PRKG1: variants seen among roughly 807,000 people sequenced by gnomAD.
PRKG1 encodes cGMP-dependent protein kinase 1.
PRKG1 carries 35 observed loss-of-function variants against 88.1 expected under a neutral mutation model. The ratio of observed to expected loss-of-function variants is 0.40; its 90% CI spans 0.30 to 0.53. The LOEUF (loss-of-function observed/expected upper bound fraction) is 0.53. Among genes scored for constraint, PRKG1 ranks in the 20% least tolerant of loss-of-function variants. The pLI, the probability that PRKG1 is intolerant of heterozygous loss-of-function variation, is 0.59. For missense variants in PRKG1, 540 were observed against 839.8 expected (o/e 0.64, Z 4.41); for synonymous variants, 303 against 292.5 (o/e 1.04, Z -0.37).
chr10:52,075,797 C>A (rs902951368), intron 7 of PRKG1, among the ~76,000 whole-genome samples: 2 of 152,100 alleles, frequency 1.3e-5, no homozygotes, highest in African/African-American at 4.8e-5. Flanking sequence ...CTCTCATAGC[C>A]GTTCCTCAGT....
intron 1 of PRKG1, among the ~76,000 whole-genome samples, chr10:51,092,885 G>C (rs865961249): frequency 6.6e-6 from 1 of 152,104 alleles, no homozygotes; most frequent in African/African-American, 2.4e-5. Flanking sequence ...CAATGTTTGT[G>C]GATGGGAACC....
chr10:51,451,644 C>T (rs1839441497), intron 2 of PRKG1, among the ~76,000 whole-genome samples: 1 of 151,962 alleles, frequency 6.6e-6, no homozygotes, highest in Admixed American at 6.6e-5. Flanking sequence ...TTATTCTTTT[C>T]TCTTTGCAGT....
At chr10:51,705,699 TAGGCAG>T (rs1841588489) in intron 3 of PRKG1, among the ~76,000 whole-genome samples, 1 of 152,212 alleles carries the variant, frequency 6.6e-6, no homozygotes, top group Non-Finnish European at 1.5e-5. Context: ...CTTTTGAAGA[TAGGCAG>T]TCATAGTTCC....
At chr10:51,995,960 C>T (rs1273193820) in intron 5 of PRKG1, among the ~76,000 whole-genome samples, 4 of 152,002 alleles carry the variant, frequency 2.6e-5, no homozygotes, top group Non-Finnish European at 4.4e-5. Flanking sequence ...AAAAATATAT[C>T]AGTGGGATTA....
chr10:52,166,682 AC>A (rs1477805061), intron 9 of PRKG1, among the ~76,000 whole-genome samples: 1 of 135,576 alleles, frequency 7.4e-6, no homozygotes, highest in Admixed American at 7.0e-5. Context: ...AAAATTAAAT[AC>A]TTTGTTAAAT....
chr10:51,020,656 C>G (rs1843123625), intron 1 of PRKG1, among the ~76,000 whole-genome samples: 1 of 152,150 alleles, frequency 6.6e-6, no homozygotes, highest in South Asian at 2.1e-4. Flanking sequence ...GCAATATGAA[C>G]AGTTTTCTCA....
At chr10:51,941,722 C>G (rs890933440) in intron 5 of PRKG1, among the ~76,000 whole-genome samples, 1 of 150,640 alleles carries the variant, frequency 6.6e-6, no homozygotes, top group African/African-American at 2.4e-5. Context: ...TTTGTCCTTG[C>G]GATAGTTCAC....
At chr10:51,588,183 A>G (rs1168800894) in intron 3 of PRKG1, among the ~76,000 whole-genome samples, 3 of 152,178 alleles carry the variant, frequency 2.0e-5, no homozygotes, top group Non-Finnish European at 2.9e-5. Flanking sequence ...TATGTTAGCC[A>G]TTGCCCCAGG....
intron 2 of PRKG1, among the ~76,000 whole-genome samples, chr10:51,222,122 G>GCCCCCCCCCCCCCCCC (rs747668688): frequency 7.9e-5 from 9 of 114,408 alleles, no homozygotes; most frequent in Middle Eastern, 3.9e-3. Context: ...CGTGATCCGC[G>GCCCCCCCCCCCCCCCC]CCCCCCCCCG....
At chr10:51,501,693 T>C (rs928550257) in intron 3 of PRKG1, among the ~76,000 whole-genome samples, 4 of 152,100 alleles carry the variant, frequency 2.6e-5, no homozygotes, top group African/African-American at 9.7e-5. Context: ...CCTTTAGAAC[T>C]GATGTTATTA....
At chr10:51,052,613 C>G (rs868719827) in intron 1 of PRKG1, among the ~76,000 whole-genome samples, 4 of 152,170 alleles carry the variant, frequency 2.6e-5, no homozygotes, top group Admixed American at 2.6e-4. Flanking sequence ...GTAAGCACAA[C>G]TTTGTTTCGT....
At chr10:51,114,114 C>T (rs1365129871) in intron 1 of PRKG1, among the ~76,000 whole-genome samples, 1 of 152,110 alleles carries the variant, frequency 6.6e-6, no homozygotes, top group Admixed American at 6.6e-5. Context: ...TGCTTATTCA[C>T]TTCTGTTCCT....
intron 4 of PRKG1, among the ~76,000 whole-genome samples, chr10:51,852,347 CAT>C (rs1454115694): frequency 1.3e-5 from 2 of 150,718 alleles, no homozygotes; most frequent in Non-Finnish European, 3.0e-5. Flanking sequence ...CACACACACA[CAT>C]ACATAGATAT....
chr10:51,117,392 C>T (rs1160145410), intron 1 of PRKG1, among the ~76,000 whole-genome samples: 1 of 152,210 alleles, frequency 6.6e-6, no homozygotes, highest in African/African-American at 2.4e-5. Flanking sequence ...ACTTGTCAAG[C>T]TGTATTTTTT....
At chr10:51,490,224 T>C (rs538675175) in intron 3 of PRKG1, among the ~76,000 whole-genome samples, 41 of 152,178 alleles carry the variant, frequency 2.7e-4, no homozygotes, top group Non-Finnish European at 5.4e-4. Context: ...AAGCAATAAT[T>C]TTATTATTTT....
At chr10:51,941,751 A>G (rs899727016) in intron 5 of PRKG1, among the ~76,000 whole-genome samples, 18 of 151,618 alleles carry the variant, frequency 1.2e-4, no homozygotes, top group Non-Finnish European at 2.5e-4. Context: ...ATGATTTCCA[A>G]TTTCATCCAT....
At chr10:51,982,820 G>A (rs1844046123) in intron 5 of PRKG1, among the ~76,000 whole-genome samples, 2 of 152,226 alleles carry the variant, frequency 1.3e-5, no homozygotes, top group Admixed American at 1.3e-4. Context: ...CAGCAGCAGT[G>A]TAGTGGGGTG....
intron 1 of PRKG1, among the ~76,000 whole-genome samples, chr10:51,100,141 G>T (rs1278797589): frequency 6.6e-6 from 1 of 152,098 alleles, no homozygotes; most frequent in Non-Finnish European, 1.5e-5. Flanking sequence ...TAGTCCTCCT[G>T]CCTCGGCCTC....
At chr10:51,549,097 CTTTCCTTTCTTTCT>C (rs1842513310) in intron 3 of PRKG1, among the ~76,000 whole-genome samples, 1 of 118,720 alleles carries the variant, frequency 8.4e-6, no homozygotes, top group East Asian at 3.4e-4. Context: ...TCCCTTCCTT[CTTTCCTTTCTTTCT>C]TTTCTTTTCT....
Sources: gnomAD v4.1 joint callset for allele counts (sites outside exome capture counted in the v4.1 genomes callset) on GRCh38, gnomAD v4.1.1 for gene constraint, MANE v1.5 for transcripts, NCBI Gene and HGNC (gene_info 2026-07-23, HGNC 2026-07-21) for gene names.